GLI2: variants seen among roughly 807,000 people sequenced by gnomAD.
The protein encoded by GLI2 is transcription activator GLI2.
In GLI2, 22 loss-of-function variants were observed where a neutral mutation model predicts 78.9. The observed-to-expected ratio is 0.28, with a 90% CI of 0.20 to 0.40. The LOEUF (loss-of-function observed/expected upper bound fraction) is 0.40. Among genes scored for constraint, GLI2 ranks in the 10% least tolerant of loss-of-function variants. The probability of loss-of-function intolerance (pLI) is 1.00; values close to 1 mark genes in which losing one functional copy is unlikely to be tolerated. For missense variants in GLI2, 2,097 were observed against 2,213.2 expected (o/e 0.95, Z 1.05); for synonymous variants, 974 against 963.7 (o/e 1.01, Z -0.20).
chr2:120,945,488 G>A (rs1439318983), intron 3 of GLI2, among the ~76,000 whole-genome samples: 1 of 152,162 alleles, frequency 6.6e-6, no homozygotes, highest in Non-Finnish European at 1.5e-5. Flanking sequence ...GAGCACTTAT[G>A]GCTGGGGTCT....
At chr2:120,744,595 A>C (rs1029678942) in intron 1 of GLI2, among the ~76,000 whole-genome samples, 4 of 152,208 alleles carry the variant, frequency 2.6e-5, no homozygotes, top group African/African-American at 4.8e-5. Flanking sequence ...GTTCAGTGTG[A>C]ATGAGGGATG....
chr2:120,736,880 C>G (rs1464749205), intron 1 of GLI2, among the ~76,000 whole-genome samples: 3 of 150,206 alleles, frequency 2.0e-5, no homozygotes, highest in African/African-American at 7.4e-5. Context: ...CCTCGGCCCC[C>G]CCTCTTTGCC....
chr2:120,847,480 T>C (rs1325781271), intron 2 of GLI2, among the ~76,000 whole-genome samples: 1 of 152,084 alleles, frequency 6.6e-6, no homozygotes, highest in Non-Finnish European at 1.5e-5. Flanking sequence ...CTTCCACGTC[T>C]CTTGAAGATC....
Position 120,866,817 on chromosome 2 carries a change from G to C in GLI2, c.149-60544G>C, listed in dbSNP as rs1688156831. ...CTGCGGAAGGGAAAAGAGGGTGGGT[G>C]TGATTTTCCACAGCTTGATTCGAAA... On this transcript the variant is annotated intron_variant, in intron 2 of 13. Coordinates refer to ENST00000361492, the MANE Select transcript of GLI2 (RefSeq NM_001374353.1). 2.0e-5 allele frequency: 3 copies of C among 152,362 alleles called. 1 individual carries two copies. The South Asian group carries it at 6.2e-4, about 32-fold the overall frequency. The allele number at this position is 152,362 out of a possible 1,614,324, so 9.4% of individuals were successfully genotyped here.
At chr2:120,909,591 C>T (rs150892941) in intron 2 of GLI2, among the ~76,000 whole-genome samples, 2,444 of 152,274 alleles carry the variant, frequency 0.016, 23 homozygotes, top group Non-Finnish European at 0.022. Context: ...TTAGGCCGGG[C>T]GTGGTGGCTC....
intron 1 of GLI2, among the ~76,000 whole-genome samples, chr2:120,785,812 C>T (rs1216702261): frequency 6.6e-6 from 1 of 152,224 alleles, no homozygotes. Context: ...GCCTGCCTAT[C>T]TCACACCCAG....
intron 2 of GLI2, among the ~76,000 whole-genome samples, chr2:120,882,122 G>C (rs574666950): frequency 6.6e-6 from 1 of 152,172 alleles, no homozygotes; most frequent in African/African-American, 2.4e-5. Flanking sequence ...GTGAGTTTAC[G>C]TCTGGTCTCT....
intron 2 of GLI2, among the ~76,000 whole-genome samples, chr2:120,903,888 C>T (rs190294151): frequency 3.9e-5 from 6 of 152,228 alleles, no homozygotes; most frequent in Admixed American, 6.5e-5. Flanking sequence ...ATGAAGCGGG[C>T]GGGTGACTGT....
intron 2 of GLI2, among the ~76,000 whole-genome samples, chr2:120,864,193 A>T (rs1227365676): frequency 6.6e-6 from 1 of 152,166 alleles, no homozygotes; most frequent in Non-Finnish European, 1.5e-5. Flanking sequence ...GCACACACAG[A>T]CGGGAGGGCT....
At chr2:120,975,516 A>C (rs1185559375) in intron 9 of GLI2, among the ~76,000 whole-genome samples, 1 of 152,164 alleles carries the variant, frequency 6.6e-6, no homozygotes, top group African/African-American at 2.4e-5. Context: ...TCTACACAAT[A>C]ATAAGTGAAA....
At chr2:120,978,386 TG>T in intron 9 of GLI2, 47 bp from the exon 10 acceptor site, 1 of 1,609,828 alleles carries the variant, frequency 6.2e-7, no homozygotes. Flanking sequence ...GGGTGGTCTG[TG>T]GGCCTCTGGC....
chr2:120,975,104 G>T lies in GLI2; in HGVS notation c.1312G>T (p.Val438Leu). 6.2e-7 allele frequency: 1 copy of T among 1,613,878 alleles called. No homozygotes were observed. Among genetic ancestry groups the T allele is most frequent in the Non-Finnish European group, 8.5e-7 (1 of 1,180,022 alleles). ...TKEYDTQEQLVHHINNEHIHG... is the reference protein window; with the variant it reads ...TKEYDTQEQLLHHINNEHIHG... ...GGAGTACGACACCCAGGAGCAGCTGGTGCATGTAAGCTTTTGAACCCCAGC... is the reference window on the plus strand; with the variant it reads ...GGAGTACGACACCCAGGAGCAGCTGTTGCATGTAAGCTTTTGAACCCCAGC... Residue 438 changes from valine (V) to leucine (L), a missense_variant, in exon 9 of 14, where the codon GTG (valine) becomes TTG (leucine). Transcript: ENST00000361492.
chr2:120,797,234 C>T (rs959167224), intron 1 of GLI2, 57 bp from the exon 2 acceptor site: 34 of 1,360,782 alleles, frequency 2.5e-5, no homozygotes, highest in Admixed American at 1.8e-4. Context: ...TCTGGGTCGG[C>T]GTTTCCCGGC....
intron 2 of GLI2, among the ~76,000 whole-genome samples, chr2:120,922,759 T>G (rs1054017801): frequency 2.2e-4 from 34 of 152,114 alleles, no homozygotes; most frequent in African/African-American, 8.2e-4. Context: ...CCCAGGCTCC[T>G]CCTGGGGATT....
intron 1 of GLI2, among the ~76,000 whole-genome samples, chr2:120,788,007 C>T (rs2104679514): frequency 6.6e-6 from 1 of 152,310 alleles, no homozygotes; most frequent in South Asian, 2.1e-4. Flanking sequence ...GGTGGGGCAG[C>T]CTCCAGGCAC....
chr2:120,855,610 C>T (rs1302460397), intron 2 of GLI2, among the ~76,000 whole-genome samples: 1 of 152,160 alleles, frequency 6.6e-6, no homozygotes, highest in Non-Finnish European at 1.5e-5. Flanking sequence ...AACCGTGGAG[C>T]CCCCCAGGGG....
intron 2 of GLI2, among the ~76,000 whole-genome samples, chr2:120,863,132 C>G (rs1344769995): frequency 6.6e-6 from 1 of 152,214 alleles, no homozygotes; most frequent in Admixed American, 6.5e-5. Flanking sequence ...ACAACTTGGA[C>G]TTAGTCAAGA....
At chr2:120,812,897 G>A (rs1685322227) in intron 2 of GLI2, among the ~76,000 whole-genome samples, 1 of 152,214 alleles carries the variant, frequency 6.6e-6, no homozygotes, top group African/African-American at 2.4e-5. Context: ...AGCAGTGAGG[G>A]CGAGAGTCTT....
chr2:120,986,345 CCAACAATGA>C lies in GLI2; in HGVS notation c.1976_1984del (p.Asn659_Asp661del). On this transcript the variant is annotated inframe_deletion, in exon 13 of 14. Coordinates refer to ENST00000361492, the MANE Select transcript of GLI2 (RefSeq NM_001374353.1). ...GAGCCCTCTCCTCTGGGCAGTGCCC[CCAACAATGA>C]CAGTGGCGTGGAGATGCCGGGGACG... 1 of 1,613,682 alleles carries C rather than the reference CCAACAATGA, an allele frequency of 6.2e-7. No individual in the cohort carries two copies. Among genetic ancestry groups the C allele is most frequent in the Non-Finnish European group, 8.5e-7 (1 of 1,180,030 alleles).
Sources: allele counts gnomAD v4.1 joint callset (sites outside exome capture counted in the v4.1 genomes callset), GRCh38; gene constraint gnomAD v4.1.1; transcripts MANE v1.5; gene names NCBI Gene and HGNC (gene_info 2026-07-23, HGNC 2026-07-21).